CNTNAP2: variants seen among roughly 807,000 people sequenced by gnomAD.
CNTNAP2 encodes the protein contactin associated protein 2, also known as contactin-associated protein-like 2.
CNTNAP2 carries 98 observed loss-of-function variants against 155.2 expected under a neutral mutation model. The observed-to-expected ratio is 0.63, with a 90% CI of 0.54 to 0.75. The LOEUF (loss-of-function observed/expected upper bound fraction) is 0.75, where lower values mean the gene tolerates loss of function less well. Among genes scored for constraint, CNTNAP2 ranks in the 30% least tolerant of loss-of-function variants. CNTNAP2 has a pLI of 0.00. For missense variants in CNTNAP2, 1,727 were observed against 1,688.1 expected, an observed-to-expected ratio of 1.02 and a Z score of -0.40; for synonymous variants, 651 against 631.2, an observed-to-expected ratio of 1.03 and a Z score of -0.47.
chr7:147,827,286 C>T (rs934892001), intron 13 of CNTNAP2, among the ~76,000 whole-genome samples: 1 of 152,102 alleles, frequency 6.6e-6, no homozygotes, highest in African/African-American at 2.4e-5. Flanking sequence ...TCTGAGTCAA[C>T]CTGACTTCCC....
intron 1 of CNTNAP2, among the ~76,000 whole-genome samples, chr7:146,400,519 AAGTT>A (rs1282925038): frequency 6.6e-6 from 1 of 152,208 alleles, no homozygotes; most frequent in African/African-American, 2.4e-5. Context: ...TAGACAGTGA[AAGTT>A]AGTGAGAGAA....
At chr7:148,330,548 C>T (rs111219426) in intron 21 of CNTNAP2, among the ~76,000 whole-genome samples, 59,240 of 119,330 alleles carry the variant, frequency 0.5, 12,384 homozygotes, top group Non-Finnish European at 0.55. Flanking sequence ...AGATGGAGTG[C>T]ACGGATGGAT....
chr7:147,078,636 G>A (rs1012355728), intron 4 of CNTNAP2, among the ~76,000 whole-genome samples: 2 of 151,826 alleles, frequency 1.3e-5, no homozygotes, highest in East Asian at 1.9e-4. Flanking sequence ...CCCTGGCCAC[G>A]ATGGTCTAAC....
chr7:148,170,463 G>A (rs1805766182), intron 17 of CNTNAP2, among the ~76,000 whole-genome samples: 1 of 152,212 alleles, frequency 6.6e-6, no homozygotes, highest in South Asian at 2.1e-4. Context: ...TCAGCGTAGA[G>A]GTGTGAAGCC....
chr7:147,029,444 G>T (rs568594844), intron 3 of CNTNAP2, among the ~76,000 whole-genome samples: 1 of 152,120 alleles, frequency 6.6e-6, no homozygotes, highest in African/African-American at 2.4e-5. Flanking sequence ...AGAGAGCATG[G>T]AAGAGGAGGG....
At chr7:147,315,688 G>A (rs954822772) in intron 9 of CNTNAP2, among the ~76,000 whole-genome samples, 3 of 151,896 alleles carry the variant, frequency 2.0e-5, no homozygotes, top group Admixed American at 6.6e-5. Context: ...AACTGTGTCA[G>A]CCATGATGGT....
At chr7:147,391,261 G>T (rs1796712473) in intron 9 of CNTNAP2, among the ~76,000 whole-genome samples, 2 of 152,146 alleles carry the variant, frequency 1.3e-5, no homozygotes, top group Admixed American at 6.6e-5. Context: ...GCACATGCTG[G>T]TCATTCTTGA....
chr7:146,760,398 C>T (rs1198683465), intron 1 of CNTNAP2, among the ~76,000 whole-genome samples: 2 of 111,918 alleles, frequency 1.8e-5, no homozygotes, highest in Admixed American at 1.8e-4. Flanking sequence ...TCTGTATCAT[C>T]TCCAATTTAC....
At chr7:147,515,926 A>G (rs185011083) in intron 11 of CNTNAP2, among the ~76,000 whole-genome samples, 17 of 152,348 alleles carry the variant, frequency 1.1e-4, no homozygotes, top group African/African-American at 3.8e-4. Context: ...GAGTGCTTAC[A>G]TTAAGATAGT....
chr7:147,892,197 A>G (rs1799707236), intron 13 of CNTNAP2, among the ~76,000 whole-genome samples: 1 of 152,230 alleles, frequency 6.6e-6, no homozygotes, highest in Non-Finnish European at 1.5e-5. Flanking sequence ...ATGGTTACAC[A>G]TAAAAGCGTT....
chr7:146,444,813 A>G (rs751537719), intron 1 of CNTNAP2, among the ~76,000 whole-genome samples: 1 of 151,830 alleles, frequency 6.6e-6, no homozygotes, highest in Non-Finnish European at 1.5e-5. Flanking sequence ...GCCTGCCACC[A>G]TGCCTGGCTA....
chr7:146,696,092 TA>T (rs1800778557), intron 1 of CNTNAP2, among the ~76,000 whole-genome samples: 1 of 152,166 alleles, frequency 6.6e-6, no homozygotes, highest in Non-Finnish European at 1.5e-5. Flanking sequence ...ATATTTTCTG[TA>T]AAAGTTTGAA....
At chr7:147,397,237 T>C (rs1482815804) in intron 10 of CNTNAP2, among the ~76,000 whole-genome samples, 1 of 152,062 alleles carries the variant, frequency 6.6e-6, no homozygotes, top group African/African-American at 2.4e-5. Context: ...AATGGAAATA[T>C]ACTCCTAATT....
At chr7:146,195,748 A>G (rs1454193643) in intron 1 of CNTNAP2, among the ~76,000 whole-genome samples, 1 of 152,206 alleles carries the variant, frequency 6.6e-6, no homozygotes, top group Non-Finnish European at 1.5e-5. Context: ...ACTCCTGCCA[A>G]TGGAAGACCA....
rs184819417 is a variant in CNTNAP2, at chr7:147,709,810, T to C, written c.2098+70504T>C. 3.5e-4 allele frequency among the ~76,000 whole-genome samples: 54 copies of C among 152,318 alleles called. 1 individual carries two copies. Among genetic ancestry groups the C allele is most frequent in the Middle Eastern group, 3.4e-3 (1 of 294 alleles). On this transcript the variant is annotated intron_variant, in intron 13 of 23. Transcript: ENST00000361727. ...TCATCTTTAGCACATAAGTAATCTT[T>C]CTTATTTTCTTATTATCTTTACAAA...
intron 1 of CNTNAP2, among the ~76,000 whole-genome samples, chr7:146,189,389 G>A (rs913072545): frequency 8.5e-5 from 13 of 152,062 alleles, no homozygotes; most frequent in African/African-American, 2.9e-4. Flanking sequence ...AATTAAATAG[G>A]TTTCCGGTCC....
chr7:146,637,739 C>T (rs1799623375), intron 1 of CNTNAP2, among the ~76,000 whole-genome samples: 1 of 152,088 alleles, frequency 6.6e-6, no homozygotes, highest in African/African-American at 2.4e-5. Context: ...GAATTGATTC[C>T]TAAACCCCAC....
At chr7:147,484,982 A>C (rs1798485970) in intron 10 of CNTNAP2, among the ~76,000 whole-genome samples, 1 of 152,208 alleles carries the variant, frequency 6.6e-6, no homozygotes, top group Non-Finnish European at 1.5e-5. Context: ...TATAACAAAA[A>C]TCAGGTTGTG....
intron 10 of CNTNAP2, among the ~76,000 whole-genome samples, chr7:147,441,843 CTCTCTCTCCCT>C (rs1320572277): frequency 1.0e-4 from 15 of 146,080 alleles, no homozygotes; most frequent in Non-Finnish European, 1.9e-4. Context: ...CTCTCTCTCT[CTCTCTCTCCCT>C]CCCTCCCTCC....
Sources: allele counts gnomAD v4.1 joint callset (sites outside exome capture counted in the v4.1 genomes callset), GRCh38; gene constraint gnomAD v4.1.1; transcripts MANE v1.5; gene names NCBI Gene and HGNC (gene_info 2026-07-23, HGNC 2026-07-21).